The following MARCHF6 variants were observed in gnomAD, a reference collection of about 807,000 sequenced individuals.
MARCHF6 encodes membrane associated ring-CH-type finger 6.
MARCHF6 carries 31 observed loss-of-function variants against 133.7 expected under a neutral mutation model. The observed-to-expected ratio is 0.23, with a 90% confidence interval of 0.17 to 0.31. The LOEUF (loss-of-function observed/expected upper bound fraction) is 0.31. MARCHF6 is among the 10% of genes least tolerant of loss of function. MARCHF6 has a pLI of 1.00. For missense variants in MARCHF6, 723 were observed against 1,121.6 expected (o/e 0.64, Z 5.08); for synonymous variants, 395 against 402.5 (o/e 0.98, Z 0.22).
chr5:10,374,181 A>G (rs1054025294), intron 1 of MARCHF6, among the ~76,000 whole-genome samples: 1 of 152,198 alleles, frequency 6.6e-6, no homozygotes, highest in African/African-American at 2.4e-5. Context: ...AATGATTAAA[A>G]CAATATAGAA....
At chr5:10,381,152 T>A (rs1737117335) in intron 3 of MARCHF6, among the ~76,000 whole-genome samples, 1 of 152,220 alleles carries the variant, frequency 6.6e-6, no homozygotes, top group East Asian at 1.9e-4. Flanking sequence ...GCAGTGGTTT[T>A]TTATTGGAAC....
At chr5:10,375,584 G>A (rs895058701) in intron 1 of MARCHF6, among the ~76,000 whole-genome samples, 29 of 152,384 alleles carry the variant, frequency 1.9e-4, no homozygotes, top group Admixed American at 8.5e-4. Flanking sequence ...CCTGCAGCCC[G>A]GGTGCGGGAT....
At position 10,439,365 on chromosome 5, in the gene MARCHF6, T is replaced by C. The variant is rs936469771; in HGVS notation, c.*5681T>C. On this transcript the variant is annotated 3_prime_UTR_variant, in exon 26 of 26. Coordinates refer to ENST00000274140, the MANE Select transcript of MARCHF6 (RefSeq NM_005885.4). ...TTTCTAGAAGACAACAAGGAAAACG[T>C]GTTCAGCCTTGGGTTAGGAAAAGAT... 7 of 152,234 alleles carry C rather than the reference T, an allele frequency of 4.6e-5. No homozygotes were observed. The highest frequency in any genetic ancestry group is 9.6e-5 in the African/African-American group (4 of 41,452). 9.4% of individuals were successfully genotyped at this position (152,234 alleles called of 1,614,324 possible). A position where few individuals can be genotyped will look rare whatever the true frequency, so the allele number is the denominator to read the frequency against.
At chr5:10,429,693 G>T (rs2126365866) in intron 24 of MARCHF6, among the ~76,000 whole-genome samples, 200 bp from the exon 25 acceptor site, 1 of 152,274 alleles carries the variant, frequency 6.6e-6, no homozygotes, top group Non-Finnish European at 1.5e-5. Context: ...GAGCTACTAT[G>T]CCTGGCCTCC....
chr5:10,378,685 A>G, intron 2 of MARCHF6, 74 bp from the exon 3 acceptor site: 1 of 943,222 alleles, frequency 1.1e-6, no homozygotes, highest in Non-Finnish European at 1.6e-6. Context: ...TTTTAATAAA[A>G]ACAATGTTTT....
intron 1 of MARCHF6, among the ~76,000 whole-genome samples, chr5:10,369,603 AC>A (rs58947018): frequency 0.058 from 1,528 of 26,488 alleles, 44 homozygotes; most frequent in East Asian, 0.13. Context: ...TAGTTCCATT[AC>A]CCCCCCCCCC....
At chr5:10,432,750 CT>C (rs1740430498) in intron 25 of MARCHF6, among the ~76,000 whole-genome samples, 1 of 152,224 alleles carries the variant, frequency 6.6e-6, no homozygotes, top group African/African-American at 2.4e-5. Flanking sequence ...ACTTGCCATT[CT>C]GTTGTTGAAC....
rs1260763008 is a variant in MARCHF6 at position 10,439,336 on chromosome 5, A to G, written c.*5652A>G. The stretch of plus-strand genomic sequence containing the variant: ...ATGGATTATAGTTCCCCAAAACTGT[A>G]TAATTTCTAGAAGACAACAAGGAAA... On this transcript the variant is annotated 3_prime_UTR_variant, in exon 26 of 26. Transcript: ENST00000274140. The G allele has an allele frequency of 6.6e-6, 1 of 152,252 alleles. No individual in the cohort carries two copies. Among genetic ancestry groups the G allele is most frequent in the Non-Finnish European group, 1.5e-5 (1 of 68,050 alleles). 9.4% of individuals were successfully genotyped at this position (152,252 alleles called of 1,614,324 possible). A position where few individuals can be genotyped will look rare whatever the true frequency, so the allele number is the denominator to read the frequency against.
In MARCHF6 at chr5:10,353,748, C is replaced by T. The variant is rs1472741754; in HGVS notation, c.-151C>T. 1 of 591,418 alleles carries T rather than the reference C, an allele frequency of 1.7e-6. No homozygotes were observed. Among genetic ancestry groups the T allele is most frequent in the East Asian group, 3.7e-5 (1 of 26,786 alleles). 36.6% of individuals were successfully genotyped at this position (591,418 alleles called of 1,614,324 possible). Reference sequence around the variant, plus strand: ...TCGCTTTCTGTCAGCCTCTCTCCCTCTCCCTCTCCCCTCTCCTTCCTCTCG... The same window carrying T: ...TCGCTTTCTGTCAGCCTCTCTCCCTTTCCCTCTCCCCTCTCCTTCCTCTCG... On this transcript the variant is annotated 5_prime_UTR_variant, in exon 1 of 26. Coordinates refer to ENST00000274140, the MANE Select transcript of MARCHF6 (RefSeq NM_005885.4).
At chr5:10,355,912 A>G (rs573617039) in intron 1 of MARCHF6, among the ~76,000 whole-genome samples, 177 of 152,342 alleles carry the variant, frequency 1.2e-3, no homozygotes, top group African/African-American at 3.9e-3. Context: ...CCTCTATAGG[A>G]TGAATCATTT....
In MARCHF6 at chr5:10,394,793, A is replaced by G. The variant is rs1738078762; in HGVS notation, c.861+8A>G. ...GGATCACTAGTTTTTCTGGTAAGTA[A>G]AACTAATTTTTTTTTTTTTTTTTTG... On this transcript the variant is annotated splice_region_variant and intron_variant, in intron 9 of 25. Coordinates refer to ENST00000274140, the MANE Select transcript of MARCHF6 (RefSeq NM_005885.4). The G allele has an allele frequency of 1.3e-6, 2 of 1,564,896 alleles. No individual in the cohort carries two copies. Among genetic ancestry groups the G allele is most frequent in the East Asian group, 2.3e-5 (1 of 44,442 alleles).
intron 4 of MARCHF6, among the ~76,000 whole-genome samples, chr5:10,384,939 A>G (rs904082601): frequency 1.1e-4 from 16 of 152,232 alleles, no homozygotes; most frequent in South Asian, 2.1e-4. Flanking sequence ...TTAAAAACTG[A>G]TATCAGTCAA....
intron 21 of MARCHF6, 121 bp from the exon 22 acceptor site, chr5:10,417,149 C>G (rs941132163): frequency 1.8e-6 from 2 of 1,131,258 alleles, no homozygotes; most frequent in South Asian, 1.6e-5. Flanking sequence ...AACCAGTCCC[C>G]GTGGATACTG....
chr5:10,414,219 T>C (rs879704349), intron 19 of MARCHF6, among the ~76,000 whole-genome samples: 3 of 152,250 alleles, frequency 2.0e-5, no homozygotes, highest in Admixed American at 1.3e-4. Context: ...ACTTGTGGGA[T>C]GTATCTGATT....
In MARCHF6 at chr5:10,355,451, T is replaced by G. The variant is rs888106884; in HGVS notation, c.19+1534T>G. Among the ~76,000 whole-genome samples the G allele has an allele frequency of 4.7e-4, 71 of 152,358 alleles. 1 individual carries two copies. Among genetic ancestry groups the G allele is most frequent in the African/African-American group, 1.6e-3 (67 of 41,574 alleles). ...CCTGGGCATTGCTACTTGCATACTTTTATGGTGTGACAGTAATCTGTGGTA... is the reference window on the plus strand; with the variant it reads ...CCTGGGCATTGCTACTTGCATACTTGTATGGTGTGACAGTAATCTGTGGTA... On this transcript the variant is annotated intron_variant, in intron 1 of 25. Transcript: ENST00000274140.
chr5:10,358,612 G>A (rs937115138), intron 1 of MARCHF6, among the ~76,000 whole-genome samples: 2 of 151,934 alleles, frequency 1.3e-5, no homozygotes, highest in Middle Eastern at 3.2e-3. Flanking sequence ...GTTGACTCTT[G>A]AACAACATGG....
At chr5:10,390,197 A>G in intron 5 of MARCHF6, 135 bp from the exon 6 acceptor site, 1 of 694,516 alleles carries the variant, frequency 1.4e-6, no homozygotes, top group South Asian at 1.9e-5. Context: ...TGAGATTTTC[A>G]TCCAAAAAAT....
chr5:10,417,310 T>C lies in MARCHF6; in HGVS notation c.2189T>C (p.Val730Ala), dbSNP rs1466071648. The C allele has an allele frequency of 6.2e-7, 1 of 1,614,020 alleles. No homozygotes were observed. The highest frequency in any genetic ancestry group is 8.5e-7 in the Non-Finnish European group (1 of 1,179,990). ...TLIVAVLLAG[V>A]VPLLLGLLFE... is the part of the protein sequence containing the mutation. Reference sequence around the variant, plus strand: ...ATAGTTGCGGTGCTGTTGGCTGGAGTTGTCCCTCTCCTTCTGGGGCTCCTG... The same window carrying C: ...ATAGTTGCGGTGCTGTTGGCTGGAGCTGTCCCTCTCCTTCTGGGGCTCCTG... The change falls in exon 22 of 26, where the codon GTT becomes GCT. Residue 730 changes from valine (V) to alanine (A), a missense_variant. Val to Ala is a moderately conservative substitution (Grantham distance 64). This residue lies in a region of MARCHF6 where 492 missense variants were observed against 699.5 expected (regional missense o/e 0.70). Transcript: ENST00000274140.
At position 10,396,540 on chromosome 5, in the gene MARCHF6, A is replaced by T. The variant is rs146534185; in HGVS notation, c.862-753A>T. On this transcript the variant is annotated intron_variant, in intron 9 of 25. Coordinates refer to ENST00000274140, the MANE Select transcript of MARCHF6 (RefSeq NM_005885.4). ...GTGGAAGATTAGGGGACCTGAACAG[A>T]GAAATCCTTTTTTTAGACAAAAGAT... 8.6e-3 allele frequency among the ~76,000 whole-genome samples: 1,308 copies of T among 152,310 alleles called. 16 individuals carry two copies. Among genetic ancestry groups the T allele is most frequent in the African/African-American group, 0.03 (1,251 of 41,564 alleles).
Sources: gnomAD v4.1 joint callset for allele counts (sites outside exome capture counted in the v4.1 genomes callset) on GRCh38, gnomAD v4.1.1 for gene constraint, gnomAD v4.1.1 regional missense constraint, MANE v1.5 for transcripts, NCBI Gene and HGNC (gene_info 2026-07-23, HGNC 2026-07-21) for gene names.